Variants in B3GNT2 observed in about 807,000 individuals in gnomAD.
B3GNT2 encodes the protein N-acetyllactosaminide beta-1,3-N-acetylglucosaminyltransferase 2.
In B3GNT2, 12 loss-of-function variants were observed where a neutral mutation model predicts 27.6. The ratio of observed to expected loss-of-function variants is 0.44; its 90% CI spans 0.28 to 0.71. B3GNT2 has a LOEUF of 0.71. B3GNT2 is among the 30% of genes least tolerant of loss of function. B3GNT2 has a pLI of 0.17. For synonymous variants in B3GNT2, 192 were observed against 189.7 expected (o/e 1.01, Z -0.10); for missense variants, 413 against 488.5 (o/e 0.85, Z 1.46).
chr2:62,213,092 GT>G (rs909256877), intron 1 of B3GNT2, among the ~76,000 whole-genome samples: 2 of 151,970 alleles, frequency 1.3e-5, no homozygotes, highest in South Asian at 2.1e-4. Flanking sequence ...GCATTCCGGT[GT>G]TTTTTTTCTA....
At position 62,222,145 on chromosome 2, in the gene B3GNT2, A is replaced by C; in HGVS notation, c.-9-67A>C. On this transcript the variant is annotated intron_variant, in intron 1 of 1. Transcript: ENST00000301998. The surrounding 1 kb of genome is among the most constrained non-coding windows in gnomAD (Gnocchi z 4.2). ...ACCACTATTCCTGGGGAGACAGGTA[A>C]AATAAATTGTATGTGCAAATGCAAA... 7.3e-7 allele frequency: 1 copy of C among 1,367,154 alleles called. No homozygotes were observed. The highest frequency in any genetic ancestry group is 1.0e-6 in the Non-Finnish European group (1 of 1,000,810). 84.7% of individuals were successfully genotyped at this position (1,367,154 alleles called of 1,614,324 possible). A position where few individuals can be genotyped will look rare whatever the true frequency, so the allele number is the denominator to read the frequency against.
chr2:62,204,246 G>A (rs1000196177), intron 1 of B3GNT2, among the ~76,000 whole-genome samples: 1 of 152,280 alleles, frequency 6.6e-6, no homozygotes, highest in Non-Finnish European at 1.5e-5. Flanking sequence ...GGCTGGTCTC[G>A]AACTCCCAAC....
intron 1 of B3GNT2, among the ~76,000 whole-genome samples, chr2:62,217,594 C>T (rs1309380635): frequency 5.3e-5 from 8 of 152,108 alleles, no homozygotes; most frequent in African/African-American, 9.7e-5. Flanking sequence ...CTGTAGGGGT[C>T]GAATACGGCG....
intron 1 of B3GNT2, among the ~76,000 whole-genome samples, chr2:62,199,362 T>A (rs539060217): frequency 2.6e-5 from 4 of 152,256 alleles, no homozygotes; most frequent in Non-Finnish European, 5.9e-5. Context: ...TCTGACTTGG[T>A]TAATGGATGT....
chr2:62,223,039 T>C lies in B3GNT2; in HGVS notation c.819T>C (p.Gly273=). 2.5e-6 allele frequency: 4 copies of C among 1,614,212 alleles called. No individual in the cohort carries two copies. The highest frequency in any genetic ancestry group is 3.4e-6 in the Non-Finnish European group (4 of 1,180,030). The part of the protein sequence containing the change: ...SKTKAKDLFI[G]DVIHNAGPHR... The stretch of plus-strand genomic sequence containing the variant: ...CCAAAGCCAAAGATCTCTTCATAGG[T>C]GATGTGATCCACAATGCTGGACCTC... Residue 273 remains glycine, a synonymous_variant, in exon 2 of 2, where the codon GGT becomes GGC. Coordinates refer to ENST00000301998, the MANE Select transcript of B3GNT2 (RefSeq NM_006577.6).
intron 1 of B3GNT2, among the ~76,000 whole-genome samples, chr2:62,203,093 T>C (rs991763723): frequency 6.6e-6 from 1 of 152,222 alleles, no homozygotes; most frequent in African/African-American, 2.4e-5. Flanking sequence ...ACTTGGTTCT[T>C]TGCTGCCTGT....
In B3GNT2 at chr2:62,222,109, CT is replaced by C; in HGVS notation, c.-9-100del. The C allele has an allele frequency of 9.4e-7, 1 of 1,058,260 alleles. No homozygotes were observed. The highest frequency in any genetic ancestry group is 1.4e-6 in the Non-Finnish European group (1 of 739,040). 65.6% of individuals were successfully genotyped at this position (1,058,260 alleles called of 1,614,324 possible). ...AACCTAGGCAGTGCAAGTGTAGAGT[CT>C]TTGCTGTAAACCACTATTCCTGGGG... On this transcript the variant is annotated intron_variant, in intron 1 of 1. Coordinates refer to ENST00000301998, the MANE Select transcript of B3GNT2 (RefSeq NM_006577.6). The surrounding 1 kb of genome is among the most constrained non-coding windows in gnomAD (Gnocchi z 4.2).
intron 1 of B3GNT2, among the ~76,000 whole-genome samples, chr2:62,221,126 C>T (rs183564519): frequency 1.3e-5 from 2 of 152,350 alleles, no homozygotes; most frequent in East Asian, 3.9e-4. Flanking sequence ...ACCTCCATCA[C>T]TTTCAGATTT....
Position 62,222,748 on chromosome 2 carries a change from G to C in B3GNT2, c.528G>C (p.Val176=). The part of the protein sequence containing the change: ...GQESNAGNQT[V]VRVFLLGQTP... ...AAAGCAACGCAGGGAACCAAACGGT[G>C]GTGCGAGTCTTCCTGCTGGGCCAGA... Residue 176 remains valine (V), a synonymous_variant, in exon 2 of 2, where the codon GTG becomes GTC. Transcript: ENST00000301998. The surrounding 1 kb of genome is among the most constrained non-coding windows in gnomAD (Gnocchi z 4.2). 1 of 1,614,214 alleles carries C rather than the reference G, an allele frequency of 6.2e-7. No individual in the cohort carries two copies. Among genetic ancestry groups the C allele is most frequent in the Non-Finnish European group, 8.5e-7 (1 of 1,180,042 alleles).
Position 62,223,015 on chromosome 2 carries a change from C to T in B3GNT2, c.795C>T (p.Thr265=). ...ATTACTTGAATAGTTTATCCAAGAC[C>T]AAAGCCAAAGATCTCTTCATAGGTG... The part of the protein sequence containing the change: ...ILNYLNSLSK[T]KAKDLFIGDV... The change falls in exon 2 of 2, where the codon ACC becomes ACT. Residue 265 remains threonine (T), a synonymous_variant. Transcript: ENST00000301998. 1.2e-6 allele frequency: 2 copies of T among 1,614,188 alleles called. No individual in the cohort carries two copies. The highest frequency in any genetic ancestry group is 1.7e-6 in the Non-Finnish European group (2 of 1,180,030).
chr2:62,222,549 A>C lies in B3GNT2; in HGVS notation c.329A>C (p.Asn110Thr). The C allele has an allele frequency of 6.2e-7, 1 of 1,614,176 alleles. No homozygotes were observed. The change falls in exon 2 of 2, where the codon AAC (asparagine) becomes ACC (threonine). Residue 110 changes from asparagine to threonine, a missense_variant. Coordinates refer to ENST00000301998, the MANE Select transcript of B3GNT2 (RefSeq NM_006577.6). The surrounding 1 kb of genome is among the most constrained non-coding windows in gnomAD (Gnocchi z 4.2). ...GTCACGTCGGTGGTTACGGGTTTTA[A>C]CAACTTGCCGGACAGATTTAAAGAC... The part of the protein sequence containing the change: ...LRVTSVVTGF[N>T]NLPDRFKDFL...
intron 1 of B3GNT2, among the ~76,000 whole-genome samples, chr2:62,202,906 C>T (rs1215501949): frequency 6.6e-6 from 1 of 152,190 alleles, no homozygotes; most frequent in Non-Finnish European, 1.5e-5. Context: ...ACAAGGCCCC[C>T]AGCTTTCCTG....
At chr2:62,206,777 A>C (rs1674383271) in intron 1 of B3GNT2, among the ~76,000 whole-genome samples, 1 of 152,184 alleles carries the variant, frequency 6.6e-6, no homozygotes, top group African/African-American at 2.4e-5. Flanking sequence ...AGAGCGAGTC[A>C]GGCAGTTCTC....
intron 1 of B3GNT2, among the ~76,000 whole-genome samples, chr2:62,214,049 C>G (rs1313168150): frequency 6.6e-6 from 1 of 152,138 alleles, no homozygotes; most frequent in East Asian, 1.9e-4. Flanking sequence ...GGCAATGAGG[C>G]TGGTGTTTAG....
chr2:62,223,460 G>T lies in B3GNT2; in HGVS notation c.*46G>T. 1 of 1,455,252 alleles carries T rather than the reference G, an allele frequency of 6.9e-7. No homozygotes were observed. The highest frequency in any genetic ancestry group is 9.4e-7 in the Non-Finnish European group (1 of 1,065,724). 90.1% of individuals were successfully genotyped at this position (1,455,252 alleles called of 1,614,324 possible). On this transcript the variant is annotated 3_prime_UTR_variant, in exon 2 of 2. Coordinates refer to ENST00000301998, the MANE Select transcript of B3GNT2 (RefSeq NM_006577.6). ...TGCATAGAAAGGTGTATTTTGAATA[G>T]TTCCCATGTTGTGTTCTCACATTAG...
At chr2:62,196,487 CG>C (rs1203102517) in intron 1 of B3GNT2, 132 bp downstream of exon 1, 1 of 152,762 alleles carries the variant, frequency 6.5e-6, no homozygotes, top group Non-Finnish European at 1.5e-5. Context: ...TACCCCCGCC[CG>C]GTTCCTCGCC....
At chr2:62,216,183 C>G (rs1415745351) in intron 1 of B3GNT2, among the ~76,000 whole-genome samples, 1 of 152,058 alleles carries the variant, frequency 6.6e-6, no homozygotes, top group Non-Finnish European at 1.5e-5. Flanking sequence ...TTGAAGGGAA[C>G]CTTTTTAGGG....
rs1183381387 is a variant in B3GNT2 at position 62,224,272 on chromosome 2, A to C, written c.*858A>C. The C allele has an allele frequency of 6.0e-6, 1 of 167,212 alleles. No individual in the cohort carries two copies. The highest frequency in any genetic ancestry group is 2.1e-4 in the South Asian group (1 of 4,830). The allele number at this position is 167,212 out of a possible 1,614,324, so 10.4% of individuals were successfully genotyped here. On this transcript the variant is annotated 3_prime_UTR_variant, in exon 2 of 2. Transcript: ENST00000301998. ...AAAGGTTGAAGTTACAGACTTTTGCATAGATGGTTTGTCAATTTAAAATTC... is the reference window on the plus strand; with the variant it reads ...AAAGGTTGAAGTTACAGACTTTTGCCTAGATGGTTTGTCAATTTAAAATTC...
chr2:62,208,274 G>T (rs1478489521), intron 1 of B3GNT2, among the ~76,000 whole-genome samples: 1 of 140,250 alleles, frequency 7.1e-6, no homozygotes, highest in African/African-American at 2.7e-5. Context: ...AGACTGGGCT[G>T]ATGGCCTACT....
Sources: gnomAD v4.1 joint callset for allele counts (sites outside exome capture counted in the v4.1 genomes callset) on GRCh38, gnomAD v4.1.1 for gene constraint, Gnocchi (gnomAD v3.1) non-coding constraint, MANE v1.5 for transcripts, NCBI Gene and HGNC (gene_info 2026-07-23, HGNC 2026-07-21) for gene names.